The following SDK1 variants were observed in gnomAD, a reference collection of about 807,000 sequenced individuals.
SDK1 encodes the protein sidekick cell adhesion molecule 1, also known as protein sidekick-1.
SDK1 carries 157 observed loss-of-function variants against 245.5 expected under a neutral mutation model. That is an observed-to-expected ratio of 0.64 (90% CI 0.56 to 0.73). The LOEUF is 0.73. Ranked by LOEUF, SDK1 falls within the 30% of genes least tolerant of loss-of-function variation. The pLI, the probability that SDK1 is intolerant of heterozygous loss-of-function variation, is 0.00. For missense variants in SDK1, 3,583 were observed against 3,002.3 expected, an observed-to-expected ratio of 1.19 and a Z score of -4.52; for synonymous variants, 1,647 against 1,278.5, an observed-to-expected ratio of 1.29 and a Z score of -6.15.
chr7:3,808,884 T>C (rs1357864810), intron 4 of SDK1, among the ~76,000 whole-genome samples: 1 of 152,188 alleles, frequency 6.6e-6, no homozygotes, highest in East Asian at 1.9e-4. Context: ...ATTTTCATAT[T>C]GATTTATTTT....
intron 1 of SDK1, among the ~76,000 whole-genome samples, chr7:3,336,498 C>G (rs1780203642): frequency 6.6e-6 from 1 of 152,188 alleles, no homozygotes; most frequent in African/African-American, 2.4e-5. Context: ...TACCATTACA[C>G]TTGACCTCTT....
chr7:3,540,903 G>A (rs1204748783), intron 1 of SDK1, among the ~76,000 whole-genome samples: 4 of 152,176 alleles, frequency 2.6e-5, no homozygotes, highest in African/African-American at 9.7e-5. Context: ...TCTTCACCAT[G>A]ATAGGGTGGA....
In SDK1 at chr7:4,268,297, G is replaced by T; in HGVS notation, c.*2913G>T. 9.7e-7 allele frequency: 1 copy of T among 1,026,484 alleles called. No homozygotes were observed. Among genetic ancestry groups the T allele is most frequent in the Non-Finnish European group, 1.2e-6 (1 of 854,262 alleles). 63.6% of individuals were successfully genotyped at this position (1,026,484 alleles called of 1,614,324 possible). A position where few individuals can be genotyped will look rare whatever the true frequency, so the allele number is the denominator to read the frequency against. ...TGGGTGTGCAGAGCTCCCTCCTCCTGGGGTGCCAGGGCAGAGATTCCAGGC... is the reference window on the plus strand; with the variant it reads ...TGGGTGTGCAGAGCTCCCTCCTCCTTGGGTGCCAGGGCAGAGATTCCAGGC... On this transcript the variant is annotated 3_prime_UTR_variant, in exon 45 of 45. Transcript: ENST00000404826.
At chr7:3,709,655 G>A (rs1784985109) in intron 4 of SDK1, among the ~76,000 whole-genome samples, 1 of 152,148 alleles carries the variant, frequency 6.6e-6, no homozygotes, top group Admixed American at 6.5e-5. Context: ...TTCTTTCCAA[G>A]GGGGAGACGC....
At chr7:3,988,364 A>G (rs1784038748) in intron 14 of SDK1, among the ~76,000 whole-genome samples, 1 of 151,804 alleles carries the variant, frequency 6.6e-6, no homozygotes, top group African/African-American at 2.4e-5. Context: ...ACCTCTCGCC[A>G]GGACCACTGC....
chr7:3,454,443 A>C (rs187440792), intron 1 of SDK1, among the ~76,000 whole-genome samples: 2 of 129,262 alleles, frequency 1.5e-5, no homozygotes, highest in African/African-American at 2.7e-5. Flanking sequence ...ATTTAAGTCT[A>C]TGCAATTCTG....
intron 32 of SDK1, among the ~76,000 whole-genome samples, chr7:4,167,864 G>A (rs554101014): frequency 6.6e-6 from 1 of 152,342 alleles, no homozygotes; most frequent in East Asian, 1.9e-4. Context: ...GAGCCTGGGA[G>A]TTTGAGCAGT....
intron 4 of SDK1, among the ~76,000 whole-genome samples, chr7:3,807,551 G>T (rs971295313): frequency 1.3e-5 from 2 of 152,130 alleles, no homozygotes; most frequent in African/African-American, 4.8e-5. Flanking sequence ...ATAGAAAGGG[G>T]GAGACAGAGA....
intron 14 of SDK1, among the ~76,000 whole-genome samples, chr7:3,998,429 A>G (rs1253728780): frequency 1.3e-5 from 2 of 152,222 alleles, no homozygotes; most frequent in Non-Finnish European, 2.9e-5. Flanking sequence ...GGATTTTTTA[A>G]AATTATGTAG....
chr7:4,009,869 A>T (rs1354574861), intron 14 of SDK1, among the ~76,000 whole-genome samples: 3 of 152,198 alleles, frequency 2.0e-5, no homozygotes, highest in Admixed American at 1.3e-4. Flanking sequence ...GCTGGAGTGC[A>T]TTTCCAATGA....
At chr7:4,220,355 T>A in intron 39 of SDK1, 85 bp downstream of exon 39, 1 of 1,448,504 alleles carries the variant, frequency 6.9e-7, no homozygotes, top group Non-Finnish European at 9.4e-7. Flanking sequence ...TCCATCTACA[T>A]GGTCAACAAG....
chr7:3,391,747 C>T (rs1183859293), intron 1 of SDK1, among the ~76,000 whole-genome samples: 3 of 150,792 alleles, frequency 2.0e-5, no homozygotes, highest in Non-Finnish European at 4.4e-5. Context: ...AGTGATCCTC[C>T]TGTCTCAGCC....
chr7:3,555,333 A>G, intron 1 of SDK1, among the ~76,000 whole-genome samples: 1 of 152,214 alleles, frequency 6.6e-6, no homozygotes, highest in East Asian at 1.9e-4. Context: ...CATTGGGGAA[A>G]GGACACTCTT....
chr7:3,844,739 C>A (rs1452742772), intron 5 of SDK1, among the ~76,000 whole-genome samples: 1 of 152,214 alleles, frequency 6.6e-6, no homozygotes, highest in Non-Finnish European at 1.5e-5. Context: ...GAGAACCTCA[C>A]TGTTTGCCCA....
intron 1 of SDK1, among the ~76,000 whole-genome samples, chr7:3,383,504 T>C (rs1781540273): frequency 6.6e-6 from 1 of 152,210 alleles, no homozygotes; most frequent in African/African-American, 2.4e-5. Flanking sequence ...CCATCTCTTT[T>C]TGGCCTCCAT....
At chr7:4,219,310 G>T (rs1164429487) in intron 38 of SDK1, among the ~76,000 whole-genome samples, 1 of 152,190 alleles carries the variant, frequency 6.6e-6, no homozygotes, top group Admixed American at 6.5e-5. Context: ...TACGCTCCCT[G>T]TGTTAATCTG....
rs74804675 is a variant in SDK1 at position 3,951,928 on chromosome 7, G to T, written c.1150+8G>T. The T allele has an allele frequency of 3.7e-6, 6 of 1,609,902 alleles. No individual in the cohort carries two copies. In the East Asian group the frequency reaches 8.9e-5, roughly 24 times the overall value. ...CCTTTCTTTTCATCATAGGTAATGC[G>T]GGAGCCTCTAAGTGGTGTTGCCAGC... On this transcript the variant is annotated splice_region_variant and intron_variant, in intron 7 of 44. Transcript: ENST00000404826.
intron 1 of SDK1, among the ~76,000 whole-genome samples, chr7:3,488,966 G>T (rs548746943): frequency 9.0e-4 from 137 of 151,702 alleles, no homozygotes; most frequent in African/African-American, 3.0e-3. Flanking sequence ...TAGATCCACA[G>T]CTCTTTCAAT....
intron 21 of SDK1, 58 bp downstream of exon 21, chr7:4,077,247 G>T: frequency 2.0e-6 from 3 of 1,528,314 alleles, no homozygotes; most frequent in Non-Finnish European, 2.7e-6. Flanking sequence ...GATTCCCGAG[G>T]CTAGAAGTTG....
Sources: allele counts gnomAD v4.1 joint callset (sites outside exome capture counted in the v4.1 genomes callset), GRCh38; gene constraint gnomAD v4.1.1; transcripts MANE v1.5; gene names NCBI Gene and HGNC (gene_info 2026-07-23, HGNC 2026-07-21).